The following ADAD1 variants were observed in gnomAD, a reference collection of about 807,000 sequenced individuals.
ADAD1 encodes the protein adenosine deaminase domain containing 1, also known as adenosine deaminase domain-containing protein 1.
In ADAD1, 46 loss-of-function variants were observed where a neutral mutation model predicts 66.8. The observed-to-expected ratio is 0.69, with a 90% CI of 0.54 to 0.88. ADAD1 has a LOEUF of 0.88. ADAD1 is among the 40% of genes least tolerant of loss of function. ADAD1 has a pLI of 0.00. For synonymous variants in ADAD1, 248 were observed against 229.4 expected (o/e 1.08, Z -0.73); for missense variants, 617 against 681.8 (o/e 0.91, Z 1.06).
Position 122,381,093 on chromosome 4 carries a change from C to A in ADAD1, c.274C>A (p.Arg92Ser). 1.2e-6 allele frequency: 2 copies of A among 1,606,426 alleles called. No homozygotes were observed. Among genetic ancestry groups the A allele is most frequent in the South Asian group, 1.1e-5 (1 of 88,786 alleles). The change falls in exon 4 of 13, where the codon CGT (arginine) becomes AGT (serine). Residue 92 changes from arginine to serine, a missense_variant. Arg to Ser is a moderately radical substitution (Grantham distance 110). Transcript: ENST00000296513. The part of the protein sequence containing the change: ...IPKEFIMKYK[R>S]GEINPVSALH... ...TAAGGAATTTATAATGAAATACAAA[C>A]GTGGAGAGATAAATCCTGTGTCAGC...
chr4:122,407,763 CT>C, intron 7 of ADAD1, 144 bp from the exon 8 acceptor site: 1 of 914,858 alleles, frequency 1.1e-6, no homozygotes, highest in Non-Finnish European at 1.5e-6. Flanking sequence ...GACTCTAAGA[CT>C]CTTATTTTAA....
chr4:122,424,850 T>G (rs1797158671), intron 12 of ADAD1, among the ~76,000 whole-genome samples: 1 of 152,006 alleles, frequency 6.6e-6, no homozygotes, highest in African/African-American at 2.4e-5. Flanking sequence ...TTAAATTCAG[T>G]CTCAAATAAA....
intron 6 of ADAD1, among the ~76,000 whole-genome samples, chr4:122,394,398 T>TTAGA (rs756820899): frequency 8.5e-5 from 13 of 152,314 alleles, no homozygotes; most frequent in South Asian, 2.1e-4. Flanking sequence ...ACTTTAAAGT[T>TTAGA]TAGAGTATTT....
chr4:122,400,965 C>A (rs1262996995), intron 7 of ADAD1, among the ~76,000 whole-genome samples: 7 of 151,766 alleles, frequency 4.6e-5, no homozygotes, highest in Non-Finnish European at 1.0e-4. Context: ...TTTCATTTAT[C>A]TTTTGTTTTT....
At position 122,393,640 on chromosome 4, in the gene ADAD1, T is replaced by C; in HGVS notation, c.581T>C (p.Val194Ala). The change falls in exon 6 of 13, where the codon GTT (valine) becomes GCT (alanine). Residue 194 changes from valine (V) to alanine (A), a missense_variant. Val to Ala is a moderately conservative substitution (Grantham distance 64). Coordinates refer to ENST00000296513, the MANE Select transcript of ADAD1 (RefSeq NM_139243.4). ...GTTGTTTTATCTGAACTAGCATATGTTTCAAAAGTACATTATGGTAGGAAA... is the reference window on the plus strand; with the variant it reads ...GTTGTTTTATCTGAACTAGCATATGCTTCAAAAGTACATTATGGTAGGAAA... ...EPVVLSELAY[V>A]SKVHYEGRHI... 1.2e-6 allele frequency: 2 copies of C among 1,602,146 alleles called. No homozygotes were observed. Among genetic ancestry groups the C allele is most frequent in the South Asian group, 2.3e-5 (2 of 88,052 alleles).
At chr4:122,397,693 T>TA (rs1561539389) in intron 7 of ADAD1, among the ~76,000 whole-genome samples, 1 of 152,072 alleles carries the variant, frequency 6.6e-6, no homozygotes, top group Non-Finnish European at 1.5e-5. Context: ...AATACATTTT[T>TA]AAAAAAATTT....
At chr4:122,393,698 C>T in intron 6 of ADAD1, 41 bp downstream of exon 6, 1 of 1,437,220 alleles carries the variant, frequency 7.0e-7, no homozygotes, top group Non-Finnish European at 9.5e-7. Context: ...AGAAGAGTAG[C>T]CCAATTAAAA....
intron 4 of ADAD1, among the ~76,000 whole-genome samples, chr4:122,381,464 A>G (rs530060886): frequency 2.0e-5 from 3 of 152,318 alleles, no homozygotes; most frequent in Admixed American, 6.5e-5. Flanking sequence ...TACTTCCTGT[A>G]TCATAAACAT....
At chr4:122,425,781 G>T (rs1337800811) in intron 12 of ADAD1, among the ~76,000 whole-genome samples, 1 of 151,914 alleles carries the variant, frequency 6.6e-6, no homozygotes, top group Non-Finnish European at 1.5e-5. Context: ...AGGGACTTGA[G>T]CATCTGCAGA....
chr4:122,388,051 G>A (rs151286313), intron 5 of ADAD1, among the ~76,000 whole-genome samples: 48 of 152,106 alleles, frequency 3.2e-4, no homozygotes, highest in African/African-American at 6.5e-4. Flanking sequence ...GAGCCACTGC[G>A]CCCGGCTGAG....
At chr4:122,379,901 A>C (rs931604834) in intron 2 of ADAD1, among the ~76,000 whole-genome samples, 161 bp from the exon 3 acceptor site, 4 of 152,072 alleles carry the variant, frequency 2.6e-5, no homozygotes, top group Admixed American at 6.5e-5. Context: ...GAAAACTCAA[A>C]AAGCAGTCGT....
At chr4:122,414,956 G>A (rs1378533287) in intron 10 of ADAD1, among the ~76,000 whole-genome samples, 1 of 139,384 alleles carries the variant, frequency 7.2e-6, no homozygotes, top group Non-Finnish European at 1.6e-5. Context: ...GTAATTTGTG[G>A]CCCTTAGATG....
intron 8 of ADAD1, among the ~76,000 whole-genome samples, chr4:122,410,507 AATT>A (rs1176363856): frequency 5.3e-5 from 8 of 152,174 alleles, no homozygotes; most frequent in African/African-American, 1.9e-4. Context: ...TAAAATTTTT[AATT>A]ATTGTGAATA....
At chr4:122,399,847 A>AT (rs1178083978) in intron 7 of ADAD1, among the ~76,000 whole-genome samples, 2 of 143,404 alleles carry the variant, frequency 1.4e-5, no homozygotes, top group Non-Finnish European at 1.5e-5. Flanking sequence ...TTGTACATTG[A>AT]TTTTGTATCC....
At chr4:122,406,706 A>G (rs957758160) in intron 7 of ADAD1, among the ~76,000 whole-genome samples, 5 of 151,962 alleles carry the variant, frequency 3.3e-5, no homozygotes, top group African/African-American at 1.2e-4. Flanking sequence ...TAGATTAGCT[A>G]TACTTCTCTC....
At chr4:122,388,263 A>G (rs1295293971) in intron 5 of ADAD1, among the ~76,000 whole-genome samples, 1 of 152,096 alleles carries the variant, frequency 6.6e-6, no homozygotes, top group Non-Finnish European at 1.5e-5. Flanking sequence ...GCTGGATTTC[A>G]TTTGCCAGTA....
chr4:122,399,910 T>G (rs1399322038), intron 7 of ADAD1, among the ~76,000 whole-genome samples: 2 of 151,970 alleles, frequency 1.3e-5, no homozygotes, highest in Non-Finnish European at 2.9e-5. Context: ...GGATGAATCT[T>G]TAGGGTGTTC....
intron 5 of ADAD1, among the ~76,000 whole-genome samples, chr4:122,391,545 C>T (rs866520085): frequency 2.0e-5 from 3 of 152,226 alleles, no homozygotes; most frequent in Non-Finnish European, 4.4e-5. Context: ...CAAATTCTGT[C>T]CCTGAGCCTC....
chr4:122,399,788 T>C (rs11731638), intron 7 of ADAD1, among the ~76,000 whole-genome samples: 9,580 of 151,428 alleles, frequency 0.063, 386 homozygotes, highest in Middle Eastern at 0.089. Context: ...TAGTTCTTGA[T>C]TTGATTCTCA....
Sources: allele counts gnomAD v4.1 joint callset (sites outside exome capture counted in the v4.1 genomes callset), GRCh38; gene constraint gnomAD v4.1.1; transcripts MANE v1.5; gene names NCBI Gene and HGNC (gene_info 2026-07-23, HGNC 2026-07-21).